PALD1: variants seen among roughly 807,000 people sequenced by gnomAD.
PALD1 encodes the protein paladin.
Under a neutral mutation model 96.0 loss-of-function variants are expected in PALD1, and 57 were observed. The observed-to-expected ratio is 0.59, with a 90% CI of 0.48 to 0.74. The LOEUF (loss-of-function observed/expected upper bound fraction) is 0.74. Among genes scored for constraint, PALD1 ranks in the 30% least tolerant of loss-of-function variants. The pLI, the probability that PALD1 is intolerant of heterozygous loss-of-function variation, is 0.00. For synonymous variants in PALD1, 464 were observed against 473.6 expected (o/e 0.98, Z 0.26); for missense variants, 1,063 against 1,143.7 (o/e 0.93, Z 1.02).
intron 1 of PALD1, among the ~76,000 whole-genome samples, chr10:70,494,329 G>A (rs1392311161): frequency 6.6e-6 from 1 of 152,186 alleles, no homozygotes; most frequent in Non-Finnish European, 1.5e-5. Flanking sequence ...AGGGATTTTT[G>A]CTCTGTATTT....
chr10:70,469,791 C>CGTTTCTT, the PALD1 span, among the ~76,000 whole-genome samples: 651 of 151,962 alleles, frequency 4.3e-3, 1 homozygote, highest in Non-Finnish European at 6.8e-3. Context: ...TCTTAGAGTC[C>CGTTTCTT]GTTTCTTTTT....
chr10:70,503,830 G>A (rs115150796), intron 1 of PALD1, among the ~76,000 whole-genome samples: 2 of 152,062 alleles, frequency 1.3e-5, no homozygotes. Context: ...GTTCTTTTCT[G>A]TCCCAAGATT....
chr10:70,497,766 A>G (rs989441658), intron 1 of PALD1, among the ~76,000 whole-genome samples: 10 of 151,930 alleles, frequency 6.6e-5, no homozygotes, highest in African/African-American at 1.9e-4. Flanking sequence ...TAGTAGAAAC[A>G]GCGTTTTACC....
intron 1 of PALD1, among the ~76,000 whole-genome samples, chr10:70,518,865 C>T (rs771662811): frequency 2.0e-5 from 3 of 152,124 alleles, no homozygotes; most frequent in Non-Finnish European, 2.9e-5. Flanking sequence ...CACACACTCT[C>T]GACCAACACA....
Position 70,566,603 on chromosome 10 carries a change from A to G in PALD1, c.2441A>G (p.Tyr814Cys). Residue 814 changes from tyrosine (Y) to cysteine (C), a missense_variant, in exon 20 of 20, where the codon TAC (tyrosine) becomes TGC (cysteine). Physicochemically the swap from Tyr to Cys is radical, Grantham distance 194. Transcript: ENST00000263563. ...CAGGTGGCATCGAAGGCTGGCATCT[A>G]CGAGATCCTTAACGAGCTGGGCTTC... ...MQEVASKAGI[Y>C]EILNELGFPE... is the part of the protein sequence containing the mutation. 6.2e-7 allele frequency: 1 copy of G among 1,611,006 alleles called. No individual in the cohort carries two copies. The highest frequency in any genetic ancestry group is 1.1e-5 in the South Asian group (1 of 90,246).
chr10:70,546,508 G>A (rs1045400498), intron 17 of PALD1, among the ~76,000 whole-genome samples: 2 of 152,180 alleles, frequency 1.3e-5, no homozygotes, highest in African/African-American at 4.8e-5. Context: ...GGCTGTGGCA[G>A]TCCCGTTTTC....
chr10:70,527,388 C>A (rs1846890133), intron 2 of PALD1, among the ~76,000 whole-genome samples: 2 of 152,186 alleles, frequency 1.3e-5, no homozygotes, highest in Admixed American at 6.5e-5. Context: ...GTGGAAGGGA[C>A]CTCTAGAGAT....
the PALD1 span, among the ~76,000 whole-genome samples, chr10:70,467,855 G>A: frequency 6.6e-6 from 1 of 151,978 alleles, no homozygotes; most frequent in Non-Finnish European, 1.5e-5. Context: ...TCCTCACTAC[G>A]AGCCCCCCAG....
At chr10:70,516,333 C>A (rs1001004124) in intron 1 of PALD1, among the ~76,000 whole-genome samples, 49 of 152,182 alleles carry the variant, frequency 3.2e-4, no homozygotes, top group African/African-American at 1.2e-3. Context: ...ACAGTTTTTC[C>A]ATGTTGGTCA....
chr10:70,527,212 C>T (rs777743256), intron 2 of PALD1, among the ~76,000 whole-genome samples: 5 of 152,214 alleles, frequency 3.3e-5, no homozygotes, highest in Non-Finnish European at 5.9e-5. Flanking sequence ...CTCTGGGCCT[C>T]AGTTTCCTTA....
At position 70,488,489 on chromosome 10, in the gene PALD1, C is replaced by G. The variant is rs1394850296; in HGVS notation, c.-30+9430C>G. On this transcript the variant is annotated intron_variant, in intron 1 of 19. Coordinates refer to ENST00000263563, the MANE Select transcript of PALD1 (RefSeq NM_014431.3). The stretch of plus-strand genomic sequence containing the variant: ...AGTAAAATGTCAAAGTCCCCTTTCC[C>G]CTCCTTCCCCTCTCTCTGGTCCCCG... Among the ~76,000 whole-genome samples, 4 of 152,166 alleles carry G rather than the reference C, an allele frequency of 2.6e-5. No individual in the cohort carries two copies. In the South Asian group the frequency reaches 6.2e-4, roughly 24 times the overall value.
At chr10:70,513,825 GAGGC>G (rs2132323559) in intron 1 of PALD1, among the ~76,000 whole-genome samples, 1 of 152,302 alleles carries the variant, frequency 6.6e-6, no homozygotes, top group East Asian at 1.9e-4. Flanking sequence ...GACCCACTTG[GAGGC>G]AGGCAACTAG....
At chr10:70,550,685 G>A (rs1847463109) in intron 18 of PALD1, among the ~76,000 whole-genome samples, 2 of 152,170 alleles carry the variant, frequency 1.3e-5, no homozygotes, top group South Asian at 4.1e-4. Flanking sequence ...CTGTGGATTT[G>A]CATGGTCTGG....
intron 1 of PALD1, among the ~76,000 whole-genome samples, chr10:70,491,059 C>G (rs1394482228): frequency 6.6e-6 from 1 of 152,150 alleles, no homozygotes; most frequent in African/African-American, 2.4e-5. Flanking sequence ...CATTCTTCTG[C>G]CTCAGCCTCC....
the PALD1 span, among the ~76,000 whole-genome samples, chr10:70,470,712 G>A: frequency 1.3e-5 from 2 of 151,348 alleles, no homozygotes; most frequent in Admixed American, 6.6e-5. Context: ...GGGTTCAAGC[G>A]ATTCTCCTGC....
At chr10:70,475,319 A>G (rs1460596000), upstream of PALD1, among the ~76,000 whole-genome samples, 4 of 151,940 alleles carry the variant, frequency 2.6e-5, no homozygotes, top group Non-Finnish European at 4.4e-5. Flanking sequence ...GGAAGGGCGG[A>G]TGGCCAGGGC....
intron 18 of PALD1, among the ~76,000 whole-genome samples, chr10:70,553,586 T>C (rs1209093853): frequency 1.3e-5 from 2 of 152,228 alleles, no homozygotes; most frequent in African/African-American, 4.8e-5. Flanking sequence ...CCGTCCTCAC[T>C]TTGCCTGTGT....
At chr10:70,463,051 A>G in the PALD1 span, among the ~76,000 whole-genome samples, 1 of 152,110 alleles carries the variant, frequency 6.6e-6, no homozygotes, top group Non-Finnish European at 1.5e-5. Flanking sequence ...ACTCCTGGAG[A>G]GTTCAGATTG....
At position 70,538,341 on chromosome 10, in the gene PALD1, G is replaced by A. The variant is rs762569235; in HGVS notation, c.1385G>A (p.Arg462His). The change falls in exon 12 of 20, where the codon CGC becomes CAC. Residue 462 changes from arginine to histidine, a missense_variant. Coordinates refer to ENST00000263563, the MANE Select transcript of PALD1 (RefSeq NM_014431.3). Reference protein sequence around the residue: ...RWLCAHPELYRLPVTLSSAGP... With the variant: ...RWLCAHPELYHLPVTLSSAGP... ...CTGTGTGCCCACCCTGAGCTGTACC[G>A]CCTGCCCGTGACGCTGAGCTCAGCA... The A allele has an allele frequency of 1.1e-5, 17 of 1,608,774 alleles. No individual in the cohort carries two copies. Among genetic ancestry groups the A allele is most frequent in the African/African-American group, 4.0e-5 (3 of 74,916 alleles).
Sources: allele counts gnomAD v4.1 joint callset (sites outside exome capture counted in the v4.1 genomes callset), GRCh38; gene constraint gnomAD v4.1.1; transcripts MANE v1.5; gene names NCBI Gene and HGNC (gene_info 2026-07-23, HGNC 2026-07-21).